The following SEMA3B variants were observed in gnomAD, a reference collection of about 807,000 sequenced individuals.
SEMA3B encodes the protein semaphorin 3B.
SEMA3B carries 71 observed loss-of-function variants against 77.8 expected under a neutral mutation model. The ratio of observed to expected loss-of-function variants is 0.91; its 90% CI spans 0.75 to 1.11. The LOEUF is 1.11. Ranked by LOEUF, SEMA3B falls within the 50% of genes most tolerant of loss-of-function variation. SEMA3B has a pLI of 0.00. For synonymous variants in SEMA3B, 470 were observed against 452.9 expected (o/e 1.04, Z -0.48); for missense variants, 968 against 1,056.8 (o/e 0.92, Z 1.17).
At chr3:50,263,214 C>G (rs1700854155), upstream of SEMA3B, 1 of 151,990 alleles carries the variant, frequency 6.6e-6, no homozygotes, top group Non-Finnish European at 1.5e-5. Context: ...GGTCCTGTGG[C>G]CTCGGTGTGG....
At chr3:50,268,644 C>T (rs950074461), upstream of SEMA3B, among the ~76,000 whole-genome samples, 2 of 152,258 alleles carry the variant, frequency 1.3e-5, no homozygotes, top group African/African-American at 4.8e-5. Flanking sequence ...ACCCTTGGCT[C>T]CAGCCTCAAA....
chr3:50,266,083 T>G (rs1700891862), upstream of SEMA3B, among the ~76,000 whole-genome samples: 1 of 150,344 alleles, frequency 6.7e-6, no homozygotes, highest in African/African-American at 2.5e-5. Context: ...AGGTGCGGGG[T>G]GATGAAACAG....
At chr3:50,267,896 A>C (rs1460796883), upstream of SEMA3B, 1 of 152,146 alleles carries the variant, frequency 6.6e-6, no homozygotes, top group African/African-American at 2.4e-5. The surrounding 1 kb of genome is among the most constrained non-coding windows in gnomAD (Gnocchi z 5.7). Context: ...GCTTAATCCC[A>C]CCTGGAACCT....
Position 50,277,545 on chromosome 3 carries a change from C to CTGTCT in SEMA3B, c.*839_*840insTGTCT, listed in dbSNP as rs1701298399. On this transcript the variant is annotated 3_prime_UTR_variant, in exon 17 of 17. Coordinates refer to ENST00000616701, the MANE Select transcript of SEMA3B (RefSeq NM_001290060.2). The stretch of plus-strand genomic sequence containing the variant: ...CCAGCCTGGGCGACAGAGCGAGACT[C>CTGTCT]CAAAAAAAAAAAAAAAAAAAAAAAA... 1.0e-4 allele frequency: 7 copies of CTGTCT among 68,364 alleles called. No homozygotes were observed. The highest frequency in any genetic ancestry group is 2.6e-4 in the African/African-American group (4 of 15,334). 4.2% of individuals were successfully genotyped at this position (68,364 alleles called of 1,614,324 possible).
In SEMA3B at chr3:50,273,363, T is replaced by G; in HGVS notation, c.730T>G (p.Phe244Val). The G allele has an allele frequency of 6.2e-7, 1 of 1,613,876 alleles. No individual in the cohort carries two copies. Among genetic ancestry groups the G allele is most frequent in the Non-Finnish European group, 8.5e-7 (1 of 1,179,812 alleles). ...SENPDDDKIY[F>V]FFRETAVEAA... Reference sequence around the variant, plus strand: ...GAACCCAGACGACGACAAAATCTACTTCTTCTTTCGTGAGACGGCGGTAGA... The same window carrying G: ...GAACCCAGACGACGACAAAATCTACGTCTTCTTTCGTGAGACGGCGGTAGA... The change falls in exon 7 of 17, where the codon TTC (phenylalanine) becomes GTC (valine). Residue 244 changes from phenylalanine (F) to valine (V), a missense_variant. Phe to Val is a conservative substitution (Grantham distance 50). Transcript: ENST00000616701. The surrounding 1 kb of genome is among the most constrained non-coding windows in gnomAD (Gnocchi z 6.5).
In SEMA3B at chr3:50,274,051, A is replaced by C; in HGVS notation, c.1131A>C (p.Pro377=). 6.2e-7 allele frequency: 1 copy of C among 1,613,350 alleles called. No individual in the cohort carries two copies. Among genetic ancestry groups the C allele is most frequent in the Non-Finnish European group, 8.5e-7 (1 of 1,179,710 alleles). ...AGGGTCGCGTCCCCTACCCGCGGCC[A>C]GGCATGGTTCGTAGCCCAGGGACTT... ...SYQGRVPYPR[P]GMCPSKTFGT... is the part of the protein sequence containing the mutation. Residue 377 remains proline, a synonymous_variant, in exon 10 of 17, where the codon CCA becomes CCC. Transcript: ENST00000616701. The surrounding 1 kb of genome is among the most constrained non-coding windows in gnomAD (Gnocchi z 4.7).
rs1214283555 is a variant in SEMA3B at position 50,274,793 on chromosome 3, C to T, written c.1358-50C>T. The stretch of plus-strand genomic sequence containing the variant: ...GCCTCAAAGGCGAGGAGACACTAGC[C>T]CCAGCTGTCCGGGAGCACCAATGGT... On this transcript the variant is annotated intron_variant, in intron 11 of 16. Coordinates refer to ENST00000616701, the MANE Select transcript of SEMA3B (RefSeq NM_001290060.2). This position sits in a 1 kb window ranked among gnomAD's most constrained non-coding sequence, Gnocchi z 4.7. The T allele has an allele frequency of 6.3e-6, 10 of 1,584,290 alleles. No individual in the cohort carries two copies. Among genetic ancestry groups the T allele is most frequent in the Non-Finnish European group, 6.0e-6 (7 of 1,161,876 alleles).
At chr3:50,260,666 G>C in the SEMA3B span, 1 of 152,438 alleles carries the variant, frequency 6.6e-6, no homozygotes, top group Non-Finnish European at 1.5e-5. Flanking sequence ...GAAGCGGGCG[G>C]GAGATGGTTC....
chr3:50,264,766 G>A (rs1270201873), upstream of SEMA3B, among the ~76,000 whole-genome samples: 3 of 152,198 alleles, frequency 2.0e-5, no homozygotes, highest in African/African-American at 4.8e-5. Context: ...GGGAGGGAGA[G>A]GGAGGCCCCG....
chr3:50,271,527 A>G (rs1553705406), intron 6 of SEMA3B, 47 bp downstream of exon 6: 5 of 1,550,298 alleles, frequency 3.2e-6, no homozygotes, highest in East Asian at 4.9e-5. Flanking sequence ...ACCCTCCCAC[A>G]GGGCAGGTGC....
At position 50,275,774 on chromosome 3, in the gene SEMA3B, G is replaced by C; in HGVS notation, c.1775G>C (p.Cys592Ser). The change falls in exon 16 of 17, where the codon TGT (cysteine) becomes TCT (serine). Residue 592 changes from cysteine (C) to serine (S), a missense_variant. Physicochemically the swap from Cys to Ser is moderately radical, Grantham distance 112 (BLOSUM62 -1). Coordinates refer to ENST00000616701, the MANE Select transcript of SEMA3B (RefSeq NM_001290060.2). The surrounding 1 kb of genome is among the most constrained non-coding windows in gnomAD (Gnocchi z 7.5). Reference sequence around the variant, plus strand: ...GAGGGCAGCAGCGCCTTTCTGGAGTGTGAGCCCCGCTCGCTGCAGGCGCGC... The same window carrying C: ...GAGGGCAGCAGCGCCTTTCTGGAGTCTGAGCCCCGCTCGCTGCAGGCGCGC... ...GVEGSSAFLE[C>S]EPRSLQARVE... The C allele has an allele frequency of 6.2e-7, 1 of 1,612,916 alleles. No individual in the cohort carries two copies. The highest frequency in any genetic ancestry group is 8.5e-7 in the Non-Finnish European group (1 of 1,179,828).
chr3:50,276,862 C>A lies in SEMA3B; in HGVS notation c.*156C>A. On this transcript the variant is annotated 3_prime_UTR_variant, in exon 17 of 17. Coordinates refer to ENST00000616701, the MANE Select transcript of SEMA3B (RefSeq NM_001290060.2). The surrounding 1 kb of genome is among the most constrained non-coding windows in gnomAD (Gnocchi z 5.8). ...CAGGCCCTGGCTGAGGGCAGCTGCG[C>A]GGGCTTATTTATTAACAGGATAACC... 1 of 884,462 alleles carries A rather than the reference C, an allele frequency of 1.1e-6. No individual in the cohort carries two copies. The highest frequency in any genetic ancestry group is 1.6e-6 in the Non-Finnish European group (1 of 624,742). The allele number at this position is 884,462 out of a possible 1,614,324, so 54.8% of individuals were successfully genotyped here. A position where few individuals can be genotyped will look rare whatever the true frequency, so the allele number is the denominator to read the frequency against.
At chr3:50,268,978 T>G (rs1700970325), upstream of SEMA3B, 1 of 550,618 alleles carries the variant, frequency 1.8e-6, no homozygotes, top group African/African-American at 1.9e-5. Flanking sequence ...AGGGTGACCC[T>G]GAGGGTGTGC....
chr3:50,266,164 G>C (rs1184737041), upstream of SEMA3B, among the ~76,000 whole-genome samples: 2 of 152,196 alleles, frequency 1.3e-5, no homozygotes, highest in Non-Finnish European at 2.9e-5. Flanking sequence ...GAGTGGATGG[G>C]AGCCTCTGAG....
rs1347436564 is a variant in SEMA3B at position 50,273,802 on chromosome 3, G to A, written c.966G>A (p.Leu322=). 1 of 1,586,788 alleles carries A rather than the reference G, an allele frequency of 6.3e-7. No individual in the cohort carries two copies. The highest frequency in any genetic ancestry group is 8.6e-7 in the Non-Finnish European group (1 of 1,168,144). ...CCTCGCGGGACCACCGGACCCCGCT[G>A]CTCTATGCCGTCTTCTCCACGTCCA... The part of the protein sequence containing the change: ...LLSSRDHRTP[L]LYAVFSTSSS... The change falls in exon 9 of 17, where the codon CTG becomes CTA. Residue 322 remains leucine (L), a synonymous_variant. Coordinates refer to ENST00000616701, the MANE Select transcript of SEMA3B (RefSeq NM_001290060.2). This position sits in a 1 kb window ranked among gnomAD's most constrained non-coding sequence, Gnocchi z 6.5.
rs782088971 is a variant in SEMA3B at position 50,273,361 on chromosome 3, ACTT to A, written c.735_737del (p.Phe246del). 3.5e-5 allele frequency: 56 copies of A among 1,613,796 alleles called. No homozygotes were observed. Among genetic ancestry groups the A allele is most frequent in the African/African-American group, 1.5e-4 (11 of 74,896 alleles). On this transcript the variant is annotated inframe_deletion, in exon 7 of 17. Coordinates refer to ENST00000616701, the MANE Select transcript of SEMA3B (RefSeq NM_001290060.2). The surrounding 1 kb of genome is among the most constrained non-coding windows in gnomAD (Gnocchi z 6.5). ...GAGAACCCAGACGACGACAAAATCT[ACTT>A]CTTCTTTCGTGAGACGGCGGTAGAG... is the stretch of plus-strand genomic sequence containing the variant.
chr3:50,273,466 C>A lies in SEMA3B; in HGVS notation c.810+23C>A. 2 of 1,611,360 alleles carry A rather than the reference C, an allele frequency of 1.2e-6. No individual in the cohort carries two copies. The highest frequency in any genetic ancestry group is 1.1e-5 in the South Asian group (1 of 90,946). On this transcript the variant is annotated intron_variant, in intron 7 of 16. Transcript: ENST00000616701. This position sits in a 1 kb window ranked among gnomAD's most constrained non-coding sequence, Gnocchi z 6.5. ...CGGGTGAGGAGTCCCTGGGCCACAC[C>A]CGGCGACCCTGCCCCTACCCCTTTG...
upstream of SEMA3B, chr3:50,262,624 G>C (rs1700849125): frequency 6.6e-6 from 1 of 152,278 alleles, no homozygotes. Context: ...TAATATCCAA[G>C]AGGAGCAGAA....
chr3:50,264,850 G>A (rs1422476214), upstream of SEMA3B, among the ~76,000 whole-genome samples: 4 of 152,194 alleles, frequency 2.6e-5, no homozygotes, highest in African/African-American at 9.6e-5. Flanking sequence ...GAGCTGTGAT[G>A]TGGCTGGTTG....
Sources: allele counts gnomAD v4.1 joint callset (sites outside exome capture counted in the v4.1 genomes callset), GRCh38; gene constraint gnomAD v4.1.1; non-coding constraint Gnocchi (gnomAD v3.1); transcripts MANE v1.5; gene names NCBI Gene and HGNC (gene_info 2026-07-23, HGNC 2026-07-21).